The following SLC25A48 variants were observed in gnomAD, a reference collection of about 807,000 sequenced individuals.
SLC25A48 encodes solute carrier family 25 member 48, also known as CTC-321K16.1.
In SLC25A48, 29 loss-of-function variants were observed where a neutral mutation model predicts 32.2. That is an observed-to-expected ratio of 0.90 (90% confidence interval 0.67 to 1.23). The LOEUF (loss-of-function observed/expected upper bound fraction) is 1.23, where lower values mean the gene tolerates loss of function less well. Among genes scored for constraint, SLC25A48 ranks in the 50% most tolerant of loss-of-function variants. The pLI, the probability that SLC25A48 is intolerant of heterozygous loss-of-function variation, is 0.00. For missense variants in SLC25A48, 399 were observed against 422.7 expected (o/e 0.94, Z 0.49); for synonymous variants, 164 against 172.3 (o/e 0.95, Z 0.38).
At chr5:135,880,243 T>G in intron 7 of SLC25A48, 146 bp downstream of exon 7, 1 of 1,222,492 alleles carries the variant, frequency 8.2e-7, no homozygotes, top group South Asian at 1.6e-5. Context: ...TGCCACCCTT[T>G]TCGTCACCAA....
intron 3 of SLC25A48, among the ~76,000 whole-genome samples, chr5:135,796,541 G>A (rs369453593): frequency 6.6e-5 from 10 of 151,356 alleles, no homozygotes; most frequent in East Asian, 5.9e-4. Flanking sequence ...TCCCCATATC[G>A]TTGAGGGTTT....
intron 3 of SLC25A48, among the ~76,000 whole-genome samples, 193 bp from the exon 4 acceptor site, chr5:135,852,370 G>C (rs1759943089): frequency 6.6e-6 from 1 of 152,194 alleles, no homozygotes; most frequent in Non-Finnish European, 1.5e-5. Flanking sequence ...TGCAGAAGCC[G>C]GGCTGTCCTC....
chr5:135,733,617 G>A (rs967448393), intron 3 of SLC25A48, among the ~76,000 whole-genome samples: 1 of 152,188 alleles, frequency 6.6e-6, no homozygotes, highest in Non-Finnish European at 1.5e-5. Flanking sequence ...GCCACATGCA[G>A]ACATGAGGGC....
At chr5:135,877,761 G>C (rs1361926023) in intron 6 of SLC25A48, among the ~76,000 whole-genome samples, 1 of 152,130 alleles carries the variant, frequency 6.6e-6, no homozygotes, top group Non-Finnish European at 1.5e-5. Flanking sequence ...AACAGTGTGA[G>C]GAGTGCTGTG....
chr5:135,617,992 A>G (rs1311314193), intron 1 of SLC25A48, among the ~76,000 whole-genome samples: 1 of 151,856 alleles, frequency 6.6e-6, no homozygotes, highest in Non-Finnish European at 1.5e-5. Context: ...TGTCTAGATG[A>G]TGTGTTTAAT....
intron 3 of SLC25A48, among the ~76,000 whole-genome samples, chr5:135,647,522 G>T (rs576568919): frequency 6.6e-6 from 1 of 152,130 alleles, no homozygotes; most frequent in Non-Finnish European, 1.5e-5. Context: ...GATCATTAGG[G>T]CCTAGGGTCC....
chr5:135,821,384 C>G (rs1280084244), intron 4 of SLC25A48, among the ~76,000 whole-genome samples: 1 of 152,208 alleles, frequency 6.6e-6, no homozygotes, highest in African/African-American at 2.4e-5. Flanking sequence ...AGGGCAGAGA[C>G]TGGTGTCTCA....
At chr5:135,737,493 AC>A (rs1755403157) in intron 3 of SLC25A48, among the ~76,000 whole-genome samples, 1 of 152,176 alleles carries the variant, frequency 6.6e-6, no homozygotes, top group South Asian at 2.1e-4. Context: ...GACATGGAGG[AC>A]AAGAGTAGAA....
chr5:135,710,572 G>T (rs1440641562), intron 3 of SLC25A48, among the ~76,000 whole-genome samples: 2 of 152,238 alleles, frequency 1.3e-5, no homozygotes, highest in Non-Finnish European at 2.9e-5. Context: ...TGAGCAAGTT[G>T]CCTTACCTCT....
chr5:135,828,878 CT>C (rs1049369956), intron 4 of SLC25A48, among the ~76,000 whole-genome samples: 29 of 152,336 alleles, frequency 1.9e-4, no homozygotes, highest in African/African-American at 7.0e-4. Context: ...CCCGACTCCC[CT>C]TGCATTCTCC....
chr5:135,877,734 G>C (rs1762160043), intron 6 of SLC25A48, among the ~76,000 whole-genome samples: 1 of 152,126 alleles, frequency 6.6e-6, no homozygotes, highest in Admixed American at 6.5e-5. Context: ...TGACAGATAA[G>C]TCAGTGACAC....
intron 3 of SLC25A48, among the ~76,000 whole-genome samples, chr5:135,709,888 T>G (rs1195599649): frequency 6.6e-6 from 1 of 152,238 alleles, no homozygotes; most frequent in Non-Finnish European, 1.5e-5. Flanking sequence ...ATCTGTTCCC[T>G]ACTCCCACCT....
At chr5:135,883,457 T>C in intron 7 of SLC25A48, 2 of 985,478 alleles carry the variant, frequency 2.0e-6, no homozygotes, top group Non-Finnish European at 2.4e-6. Context: ...CCTCTTCACA[T>C]TGTTTCTCTG....
At chr5:135,883,511 C>T (rs1762615153) in intron 7 of SLC25A48, 1 of 977,074 alleles carries the variant, frequency 1.0e-6, no homozygotes. Context: ...TGGCCACTGT[C>T]ATTCCTCTCT....
intron 6 of SLC25A48, chr5:135,874,751 C>T: frequency 1.4e-6 from 1 of 697,270 alleles, no homozygotes; most frequent in Non-Finnish European, 2.6e-6. Context: ...CCCTTCCCAC[C>T]ACCTGAAAAG....
chr5:135,721,115 C>G (rs951728637), intron 3 of SLC25A48, among the ~76,000 whole-genome samples: 1 of 149,966 alleles, frequency 6.7e-6, no homozygotes, highest in Non-Finnish European at 1.5e-5. Flanking sequence ...GATTTCAGCT[C>G]ACTGCAACCT....
At chr5:135,775,160 G>C (rs776575130) in intron 3 of SLC25A48, among the ~76,000 whole-genome samples, 1 of 151,926 alleles carries the variant, frequency 6.6e-6, no homozygotes, top group Non-Finnish European at 1.5e-5. Context: ...CAGTGGAAAA[G>C]AGGATGATAT....
chr5:135,815,295 G>T (rs990891710), intron 4 of SLC25A48, among the ~76,000 whole-genome samples: 3 of 152,212 alleles, frequency 2.0e-5, no homozygotes, highest in Non-Finnish European at 4.4e-5. Flanking sequence ...ATGAAACCTA[G>T]ATCCCTCACA....
upstream of SLC25A48, among the ~76,000 whole-genome samples, chr5:135,831,642 A>G (rs1561514630): frequency 2.0e-5 from 3 of 152,320 alleles, no homozygotes; most frequent in Admixed American, 6.5e-5. Context: ...GTTCCCCACA[A>G]GGGAATAGCA....
Sources: gnomAD v4.1 joint callset for allele counts (sites outside exome capture counted in the v4.1 genomes callset) on GRCh38, gnomAD v4.1.1 for gene constraint, MANE v1.5 for transcripts, NCBI Gene and HGNC (gene_info 2026-07-23, HGNC 2026-07-21) for gene names.